The following ARHGEF3 variants were observed in gnomAD, a reference collection of about 807,000 sequenced individuals.
The protein encoded by ARHGEF3 is 59.8 kDA protein.
A neutral mutation model predicts 63.2 loss-of-function variants in ARHGEF3; 28 were observed. That is an observed-to-expected ratio of 0.44 (90% CI 0.33 to 0.61). The LOEUF (loss-of-function observed/expected upper bound fraction) is 0.61. Among genes scored for constraint, ARHGEF3 ranks in the 20% least tolerant of loss-of-function variants. ARHGEF3 has a pLI of 0.03. For synonymous variants in ARHGEF3, 266 were observed against 254.2 expected, an observed-to-expected ratio of 1.05 and a Z score of -0.44; for missense variants, 533 against 659.3, an observed-to-expected ratio of 0.81 and a Z score of 2.10.
At chr3:56,835,323 G>A (rs1243700924) in intron 4 of ARHGEF3, among the ~76,000 whole-genome samples, 3 of 151,850 alleles carry the variant, frequency 2.0e-5, no homozygotes, top group Non-Finnish European at 4.4e-5. Flanking sequence ...TTACAGGCAC[G>A]TACCACCATG....
chr3:56,889,923 G>T (rs529375866), intron 3 of ARHGEF3, among the ~76,000 whole-genome samples: 2 of 152,074 alleles, frequency 1.3e-5, no homozygotes, highest in Non-Finnish European at 2.9e-5. Context: ...TTAGCTGAGC[G>T]TGGTAGCGTG....
intron 4 of ARHGEF3, among the ~76,000 whole-genome samples, chr3:56,871,638 C>T (rs1011700545): frequency 6.6e-6 from 1 of 152,152 alleles, no homozygotes. Context: ...AATAATCTCA[C>T]ATACCAACAG....
chr3:57,015,630 C>A (rs1157306628), intron 2 of ARHGEF3, among the ~76,000 whole-genome samples: 1 of 139,372 alleles, frequency 7.2e-6, no homozygotes, highest in African/African-American at 2.6e-5. Flanking sequence ...TTAGTACAAA[C>A]GAAGTCTAGT....
chr3:56,970,570 C>T (rs1489460797), intron 2 of ARHGEF3, among the ~76,000 whole-genome samples: 2 of 152,204 alleles, frequency 1.3e-5, no homozygotes, highest in Non-Finnish European at 2.9e-5. Context: ...TCCTCCCACT[C>T]CCACTTCCCC....
At chr3:56,730,776 T>G (rs1397968886) in intron 9 of ARHGEF3, among the ~76,000 whole-genome samples, 1 of 152,224 alleles carries the variant, frequency 6.6e-6, no homozygotes, top group African/African-American at 2.4e-5. Context: ...GTCAGTCCCT[T>G]TGCACTAACC....
intron 2 of ARHGEF3, among the ~76,000 whole-genome samples, chr3:56,972,049 T>C (rs1700934994): frequency 6.6e-6 from 1 of 151,992 alleles, no homozygotes; most frequent in Non-Finnish European, 1.5e-5. Flanking sequence ...TATTTCCTTA[T>C]TTCAAGTCCA....
intron 4 of ARHGEF3, among the ~76,000 whole-genome samples, chr3:56,830,391 A>G (rs1440715085): frequency 6.6e-6 from 1 of 152,096 alleles, no homozygotes; most frequent in African/African-American, 2.4e-5. Context: ...TACCTTATCC[A>G]ACTACTTCTC....
chr3:56,822,886 A>C (rs867449719), intron 4 of ARHGEF3, among the ~76,000 whole-genome samples: 15 of 149,990 alleles, frequency 1.0e-4, no homozygotes, highest in African/African-American at 3.7e-4. Flanking sequence ...ATCAGAAGGA[A>C]GGTCTCCCAA....
chr3:56,782,501 G>GT (rs1189900206), intron 1 of ARHGEF3, among the ~76,000 whole-genome samples: 3 of 151,704 alleles, frequency 2.0e-5, no homozygotes, highest in Non-Finnish European at 4.4e-5. Flanking sequence ...ACATTCTTGT[G>GT]TTTGTTTTCT....
intron 4 of ARHGEF3, among the ~76,000 whole-genome samples, chr3:56,831,706 T>C (rs142636508): frequency 4.0e-4 from 61 of 152,380 alleles, no homozygotes; most frequent in African/African-American, 1.5e-3. Context: ...TAATCAGAGA[T>C]GATCTCTTCC....
intron 3 of ARHGEF3, among the ~76,000 whole-genome samples, chr3:56,950,034 G>A (rs575848235): frequency 7.2e-5 from 11 of 151,994 alleles, no homozygotes; most frequent in East Asian, 1.9e-4. Context: ...AAGGGGGAAC[G>A]ATTTCCTATT....
chr3:57,033,785 C>A (rs1985904), intron 2 of ARHGEF3, among the ~76,000 whole-genome samples: 1 of 151,844 alleles, frequency 6.6e-6, no homozygotes, highest in Non-Finnish European at 1.5e-5. Context: ...TGGCTCATGC[C>A]TGTAATCCCA....
Position 56,742,636 on chromosome 3 carries a change from T to C in ARHGEF3, c.870+2569A>G, listed in dbSNP as rs558666911. On this transcript the variant is annotated intron_variant, in intron 7 of 9. Coordinates refer to ENST00000296315, the MANE Select transcript of ARHGEF3 (RefSeq NM_019555.3). ...ACAGGGCTAAATAATTCTGTTCATG[T>C]GGGGTAATGAATGCTATGAGGATTC... 2.0e-5 allele frequency among the ~76,000 whole-genome samples: 3 copies of C among 152,216 alleles called. No homozygotes were observed. In the South Asian group the frequency reaches 6.2e-4, roughly 32 times the overall value.
chr3:57,026,506 G>A (rs1703480161), intron 2 of ARHGEF3, among the ~76,000 whole-genome samples: 1 of 152,204 alleles, frequency 6.6e-6, no homozygotes, highest in South Asian at 2.1e-4. Context: ...TCCAGAGAAA[G>A]CGTCACACTC....
intron 4 of ARHGEF3, among the ~76,000 whole-genome samples, chr3:56,851,723 T>A (rs1168106610): frequency 6.6e-6 from 1 of 151,256 alleles, no homozygotes; most frequent in Non-Finnish European, 1.5e-5. Flanking sequence ...TTTAAACTTG[T>A]AAGTAATATA....
chr3:56,801,427 G>A (rs916434655), intron 1 of ARHGEF3, among the ~76,000 whole-genome samples: 1 of 152,278 alleles, frequency 6.6e-6, no homozygotes, highest in Non-Finnish European at 1.5e-5. Context: ...GGAGGCAGTT[G>A]CTCCCAGACC....
At chr3:56,968,181 A>AT (rs1363015487) in intron 2 of ARHGEF3, among the ~76,000 whole-genome samples, 65 of 23,304 alleles carry the variant, frequency 2.8e-3, no homozygotes, top group East Asian at 7.7e-3. Flanking sequence ...TATATATAAA[A>AT]ATATATATTA....
At chr3:56,926,414 C>A (rs996365858) in intron 3 of ARHGEF3, among the ~76,000 whole-genome samples, 4 of 152,194 alleles carry the variant, frequency 2.6e-5, no homozygotes. Flanking sequence ...GATAGAAATT[C>A]TTTTTGTCAA....
chr3:56,922,063 T>A (rs2042155859), intron 3 of ARHGEF3, among the ~76,000 whole-genome samples: 1 of 151,902 alleles, frequency 6.6e-6, no homozygotes, highest in Non-Finnish European at 1.5e-5. Context: ...GCAGCTATTT[T>A]TAAAAGTGAA....
Sources: gnomAD v4.1 joint callset for allele counts (sites outside exome capture counted in the v4.1 genomes callset) on GRCh38, gnomAD v4.1.1 for gene constraint, MANE v1.5 for transcripts, NCBI Gene and HGNC (gene_info 2026-07-23, HGNC 2026-07-21) for gene names.